KLHL5: variants seen among roughly 807,000 people sequenced by gnomAD.
KLHL5 encodes the protein kelch like family member 5.
In KLHL5, 48 loss-of-function variants were observed where a neutral mutation model predicts 77.7. The ratio of observed to expected loss-of-function variants is 0.62; its 90% CI spans 0.49 to 0.79. The LOEUF (loss-of-function observed/expected upper bound fraction) is 0.79, where lower values mean the gene tolerates loss of function less well. KLHL5 is among the 30% of genes least tolerant of loss of function. The pLI is 0.00. For synonymous variants in KLHL5, 260 were observed against 297.0 expected (o/e 0.88, Z 1.28); for missense variants, 723 against 859.7 (o/e 0.84, Z 1.99).
At chr4:39,136,791 G>A in the KLHL5 span, among the ~76,000 whole-genome samples, 1 of 152,206 alleles carries the variant, frequency 6.6e-6, no homozygotes, top group Non-Finnish European at 1.5e-5. Flanking sequence ...AGCCTGCAGT[G>A]GCTAGTTAGC....
At chr4:39,138,356 T>G in the KLHL5 span, among the ~76,000 whole-genome samples, 1 of 152,300 alleles carries the variant, frequency 6.6e-6, no homozygotes, top group South Asian at 2.1e-4. Context: ...TCACCCTAAA[T>G]GCCCATCAAT....
intron 1 of KLHL5, among the ~76,000 whole-genome samples, chr4:39,068,011 C>T (rs1718060682): frequency 1.3e-5 from 2 of 151,990 alleles, no homozygotes; most frequent in African/African-American, 2.4e-5. Context: ...AGTCTTCTAC[C>T]CCATCTTACT....
At chr4:39,083,096 C>A (rs920558738) in intron 4 of KLHL5, among the ~76,000 whole-genome samples, 1 of 152,138 alleles carries the variant, frequency 6.6e-6, no homozygotes, top group African/African-American at 2.4e-5. Context: ...ATTTTGCCTA[C>A]CCTCTCCTCC....
intron 5 of KLHL5, among the ~76,000 whole-genome samples, chr4:39,090,548 A>G (rs1326901017): frequency 6.6e-6 from 1 of 151,196 alleles, no homozygotes; most frequent in Non-Finnish European, 1.5e-5. Context: ...TCCTGGGTTC[A>G]AGAGATTCTC....
chr4:39,045,880 T>C (rs13147482), intron 1 of KLHL5, among the ~76,000 whole-genome samples: 108,836 of 150,126 alleles, frequency 0.72, 39,674 homozygotes, highest in East Asian at 0.82. Flanking sequence ...AGGTTAGATG[T>C]GCGGATGCCC....
intron 4 of KLHL5, among the ~76,000 whole-genome samples, chr4:39,083,125 G>A (rs16995122): frequency 0.033 from 4,995 of 152,240 alleles, 275 homozygotes; most frequent in African/African-American, 0.11. Context: ...ACTGAGTTGG[G>A]ATATGAAGAG....
At chr4:39,138,052 A>C in the KLHL5 span, among the ~76,000 whole-genome samples, 7 of 152,186 alleles carry the variant, frequency 4.6e-5, no homozygotes, top group Non-Finnish European at 1.0e-4. Context: ...AAAGTCAAAG[A>C]ATAACAGATG....
intron 6 of KLHL5, among the ~76,000 whole-genome samples, chr4:39,100,514 T>C (rs1721444014): frequency 6.6e-6 from 1 of 152,230 alleles, no homozygotes; most frequent in African/African-American, 2.4e-5. Context: ...TATTATTTCA[T>C]TTCATCTTCT....
At chr4:39,092,974 G>T (rs1278975866) in intron 5 of KLHL5, 1 of 389,590 alleles carries the variant, frequency 2.6e-6, no homozygotes, top group Non-Finnish European at 5.0e-6. Flanking sequence ...ACATAAATTT[G>T]CCATATGCCC....
Position 39,081,200 on chromosome 4 carries a change from C to T in KLHL5, c.664C>T (p.Pro222Ser), listed in dbSNP as rs1352146648. ...AGAAATAAAAATGGAAGGTGTAGAA[C>T]CAAATTCGTTGTGGTCCTTGATCCA... ...QEEIKMEGVE[P>S]NSLWSLIQYA... Residue 222 changes from proline to serine, a missense_variant, in exon 3 of 11, where the codon CCA (proline) becomes TCA (serine). Pro to Ser is a moderately conservative substitution (Grantham distance 74). This residue lies in a region of KLHL5 where 288 missense variants were observed against 400.3 expected (regional missense o/e 0.72). Transcript: ENST00000504108. The surrounding 1 kb of genome is among the most constrained non-coding windows in gnomAD (Gnocchi z 4.3). 2.5e-6 allele frequency: 4 copies of T among 1,611,826 alleles called. No individual in the cohort carries two copies.
At position 39,069,457 on chromosome 4, in the gene KLHL5, TATATATATATATATATACAC is replaced by T. The variant is rs1413982819; in HGVS notation, c.383+6424_383+6443del. On this transcript the variant is annotated intron_variant, in intron 1 of 10. Coordinates refer to ENST00000504108, the MANE Select transcript of KLHL5 (RefSeq NM_015990.5). ...ATATATATATATATATATATATATATATATATATATATATATACACACACACACACACACACACACACACA... is the reference window on the plus strand; with the variant it reads ...ATATATATATATATATATATATATATACACACACACACACACACACACACA... Among the ~76,000 whole-genome samples the T allele has an allele frequency of 5.4e-3, 214 of 39,522 alleles. 1 individual carries two copies. Among genetic ancestry groups the T allele is most frequent in the African/African-American group, 0.015 (202 of 13,658 alleles). 25.9% of individuals were successfully genotyped at this position (39,522 alleles called of 152,430 possible). A position where few individuals can be genotyped will look rare whatever the true frequency, so the allele number is the denominator to read the frequency against.
At chr4:39,140,307 A>C in the KLHL5 span, among the ~76,000 whole-genome samples, 1 of 152,210 alleles carries the variant, frequency 6.6e-6, no homozygotes, top group Non-Finnish European at 1.5e-5. Flanking sequence ...AAAGGACATT[A>C]TTGAAACAAC....
chr4:39,130,423 C>T (rs976520359), downstream of KLHL5, among the ~76,000 whole-genome samples: 4 of 152,136 alleles, frequency 2.6e-5, no homozygotes, highest in African/African-American at 4.8e-5. Flanking sequence ...CCCTCATTCC[C>T]GTAAACCCAC....
At chr4:39,137,643 A>G in the KLHL5 span, among the ~76,000 whole-genome samples, 1 of 152,144 alleles carries the variant, frequency 6.6e-6, no homozygotes, top group Non-Finnish European at 1.5e-5. Flanking sequence ...CAAACAAAGA[A>G]TAAAATATCT....
intron 10 of KLHL5, chr4:39,115,704 A>T: frequency 8.4e-7 from 1 of 1,193,252 alleles, no homozygotes. Context: ...ATGTGTGAGC[A>T]GTCGGATTTT....
At position 39,115,250 on chromosome 4, in the gene KLHL5, T is replaced by C; in HGVS notation, c.1993T>C (p.Tyr665His). 6.2e-7 allele frequency: 1 copy of C among 1,614,104 alleles called. No homozygotes were observed. The highest frequency in any genetic ancestry group is 8.5e-7 in the Non-Finnish European group (1 of 1,179,974). ...VGVCLLGDKLYAVGGYDGQAY... is the reference protein window; with the variant it reads ...VGVCLLGDKLHAVGGYDGQAY... ...GGTCTGTTTACTTGGTGATAAGTTA[T>C]ATGCTGTTGGGGGGTATGATGGACA... The change falls in exon 10 of 11, where the codon TAT becomes CAT. Residue 665 changes from tyrosine to histidine, a missense_variant. Tyr to His is a moderately conservative substitution (Grantham distance 83). Transcript: ENST00000504108.
At position 39,123,161 on chromosome 4, in the gene KLHL5, G is replaced by A. The variant is rs1387661440; in HGVS notation, c.*2095G>A. Among the ~76,000 whole-genome samples the A allele has an allele frequency of 6.6e-6, 1 of 152,004 alleles. No homozygotes were observed. Among genetic ancestry groups the A allele is most frequent in the Non-Finnish European group, 1.5e-5 (1 of 68,024 alleles). ...AAAAACACACCAATTGACAAAACTG[G>A]CTCAAAAGGAAATAAAAAATCCAAA... is the stretch of plus-strand genomic sequence containing the variant. On this transcript the variant is annotated 3_prime_UTR_variant, in exon 11 of 11. Transcript: ENST00000504108.
chr4:39,079,741 C>A (rs554786190), intron 2 of KLHL5, among the ~76,000 whole-genome samples: 39 of 152,250 alleles, frequency 2.6e-4, no homozygotes, highest in African/African-American at 8.2e-4. Context: ...GAGAAGGGAT[C>A]TTTTGTCTTA....
In KLHL5 at chr4:39,122,804, C is replaced by T. The variant is rs1723293782; in HGVS notation, c.*1738C>T. Among the ~76,000 whole-genome samples, 1 of 150,816 alleles carries T rather than the reference C, an allele frequency of 6.6e-6. No homozygotes were observed. Among genetic ancestry groups the T allele is most frequent in the Non-Finnish European group, 1.5e-5 (1 of 67,846 alleles). On this transcript the variant is annotated 3_prime_UTR_variant, in exon 11 of 11. Transcript: ENST00000504108. ...CTCCAGCCTGGGTGACAGAGCGAGACTCCATCAAAAAAAAATAAATAAAAA... is the reference window on the plus strand; with the variant it reads ...CTCCAGCCTGGGTGACAGAGCGAGATTCCATCAAAAAAAAATAAATAAAAA...
Sources: gnomAD v4.1 joint callset for allele counts (sites outside exome capture counted in the v4.1 genomes callset) on GRCh38, gnomAD v4.1.1 for gene constraint, gnomAD v4.1.1 regional missense constraint, Gnocchi (gnomAD v3.1) non-coding constraint, MANE v1.5 for transcripts, NCBI Gene and HGNC (gene_info 2026-07-23, HGNC 2026-07-21) for gene names.